Variants in SAMMSON observed in about 807,000 individuals in gnomAD.
SAMMSON encodes the protein long intergenic non-protein coding RNA 1212.
At position 70,009,506 on chromosome 3, in the gene SAMMSON, C is replaced by T. The variant is rs546829074; in HGVS notation, n.23-2851C>T. Among the ~76,000 whole-genome samples, 43 of 151,920 alleles carry T rather than the reference C, an allele frequency of 2.8e-4. 1 individual carries two copies. In the East Asian group the frequency reaches 4.1e-3, roughly 14 times the overall value. Reference sequence around the variant, plus strand: ...ATATCCCCTTTATCATTTTTTATTGCGTCTATTTGATTCTTCTCTCTTTTC... The same window carrying T: ...ATATCCCCTTTATCATTTTTTATTGTGTCTATTTGATTCTTCTCTCTTTTC... On this transcript the variant is annotated intron_variant and non_coding_transcript_variant, in intron 1 of 9. Coordinates refer to ENST00000642114, the Ensembl canonical transcript of SAMMSON.
chr3:70,012,261 C>G (rs774272032), intron 1 of SAMMSON: 1 of 152,116 alleles, frequency 6.6e-6, no homozygotes, highest in Non-Finnish European at 1.5e-5. Context: ...TCCTTGGAAC[C>G]TCTGACTTTG....
intron 4 of SAMMSON, among the ~76,000 whole-genome samples, chr3:70,085,271 T>A (rs2067281165): frequency 6.6e-6 from 1 of 151,666 alleles, no homozygotes; most frequent in Non-Finnish European, 1.5e-5. Flanking sequence ...CTGCTTAATA[T>A]CCTTCTTGTT....
At chr3:70,373,488 C>A (rs1462924442) in intron 9 of SAMMSON, among the ~76,000 whole-genome samples, 1 of 152,062 alleles carries the variant, frequency 6.6e-6, no homozygotes, top group East Asian at 1.9e-4. Context: ...TAATAAGCTT[C>A]TTCAATCTGT....
chr3:70,160,992 A>G (rs2067612436), intron 4 of SAMMSON, among the ~76,000 whole-genome samples: 1 of 152,094 alleles, frequency 6.6e-6, no homozygotes, highest in East Asian at 1.9e-4. Flanking sequence ...ATATGTAGAA[A>G]TACAATTTAG....
At chr3:70,226,848 T>G (rs1184540447) in intron 4 of SAMMSON, among the ~76,000 whole-genome samples, 1 of 152,008 alleles carries the variant, frequency 6.6e-6, no homozygotes, top group Admixed American at 6.6e-5. Context: ...AAAATAGTGC[T>G]TAGCAGAGCA....
intron 6 of SAMMSON, among the ~76,000 whole-genome samples, chr3:70,264,843 C>G (rs1701901025): frequency 6.6e-6 from 1 of 152,096 alleles, no homozygotes; most frequent in African/African-American, 2.4e-5. Flanking sequence ...TTAGTCTGTT[C>G]TCACACTGCT....
intron 2 of SAMMSON, among the ~76,000 whole-genome samples, chr3:70,426,254 C>G (rs6783231): frequency 0.54 from 81,724 of 152,022 alleles, 22,272 homozygotes; most frequent in Non-Finnish European, 0.57. Flanking sequence ...TGACAGTGAA[C>G]AAACCAAATG....
At chr3:69,999,800 T>G (rs1303538485), upstream of SAMMSON, 1 of 152,380 alleles carries the variant, frequency 6.6e-6, no homozygotes, top group Non-Finnish European at 1.5e-5. Flanking sequence ...AGGTGGCTGG[T>G]CATGGAGAGC....
chr3:70,368,529 T>A (rs1269218079), intron 9 of SAMMSON, among the ~76,000 whole-genome samples: 1 of 151,734 alleles, frequency 6.6e-6, no homozygotes, highest in Admixed American at 6.6e-5. Context: ...AGATGTATGG[T>A]AAATTTTGAG....
chr3:70,160,982 A>T (rs2067612371), intron 4 of SAMMSON, among the ~76,000 whole-genome samples: 1 of 152,010 alleles, frequency 6.6e-6, no homozygotes, highest in Non-Finnish European at 1.5e-5. Context: ...TTTTGTATTC[A>T]TATGTAGAAA....
chr3:70,131,803 C>G (rs1207341676), intron 4 of SAMMSON, among the ~76,000 whole-genome samples: 1 of 152,056 alleles, frequency 6.6e-6, no homozygotes, highest in Non-Finnish European at 1.5e-5. Context: ...GTCTAGAACT[C>G]CTGATCCCAA....
At chr3:70,100,696 T>A (rs965169654) in intron 4 of SAMMSON, among the ~76,000 whole-genome samples, 1 of 152,202 alleles carries the variant, frequency 6.6e-6, no homozygotes, top group Admixed American at 6.5e-5. Flanking sequence ...CTCTGTTCTC[T>A]TGTGTGAGTG....
At chr3:70,036,892 G>T (rs951783657) in intron 3 of SAMMSON, among the ~76,000 whole-genome samples, 1 of 152,056 alleles carries the variant, frequency 6.6e-6, no homozygotes, top group African/African-American at 2.4e-5. Flanking sequence ...GTGCTGAATG[G>T]AGGAATCAAC....
intron 2 of SAMMSON, among the ~76,000 whole-genome samples, chr3:70,400,184 T>A (rs1051485361): frequency 6.6e-6 from 1 of 152,102 alleles, no homozygotes; most frequent in Non-Finnish European, 1.5e-5. Context: ...AAACAACCAG[T>A]AAATAATAGT....
chr3:70,160,261 A>G (rs2067609584), intron 4 of SAMMSON, among the ~76,000 whole-genome samples: 1 of 151,692 alleles, frequency 6.6e-6, no homozygotes, highest in South Asian at 2.1e-4. Context: ...TTCTTCTATA[A>G]GTTGTATTGT....
At chr3:70,263,649 G>C (rs1049820991) in intron 6 of SAMMSON, among the ~76,000 whole-genome samples, 1 of 152,134 alleles carries the variant, frequency 6.6e-6, no homozygotes, top group African/African-American at 2.4e-5. Flanking sequence ...AAAGACTCAA[G>C]GGAGCCCTAC....
chr3:70,389,219 C>G (rs1162445674), intron 9 of SAMMSON, among the ~76,000 whole-genome samples: 1 of 152,012 alleles, frequency 6.6e-6, no homozygotes, highest in Non-Finnish European at 1.5e-5. Context: ...TATAAACTAC[C>G]CAGTCTCAGG....
chr3:70,217,386 A>G (rs1020961304), intron 4 of SAMMSON, among the ~76,000 whole-genome samples: 8 of 152,160 alleles, frequency 5.3e-5, no homozygotes, highest in African/African-American at 1.7e-4. Context: ...AAAAGGACCT[A>G]TTGAATTAAT....
At chr3:70,293,440 A>G (rs986789552) in intron 7 of SAMMSON, among the ~76,000 whole-genome samples, 4 of 152,144 alleles carry the variant, frequency 2.6e-5, no homozygotes, top group African/African-American at 9.6e-5. Flanking sequence ...AATTAAATAG[A>G]TATGAAAATA....
Sources: gnomAD v4.1 joint callset for allele counts (sites outside exome capture counted in the v4.1 genomes callset) on GRCh38, gnomAD v4.1.1 for gene constraint, MANE v1.5 for transcripts, NCBI Gene and HGNC (gene_info 2026-07-23, HGNC 2026-07-21) for gene names.